Variants in SLC2A9 observed in about 807,000 individuals in gnomAD.
The protein encoded by SLC2A9 is solute carrier family 2, facilitated glucose transporter member 9.
In SLC2A9, 39 loss-of-function variants were observed where a neutral mutation model predicts 50.6. That is an observed-to-expected ratio of 0.77 (90% confidence interval 0.60 to 1.01). The LOEUF (loss-of-function observed/expected upper bound fraction) is 1.01, where lower values mean the gene tolerates loss of function less well. Ranked by LOEUF, SLC2A9 falls within the 50% of genes least tolerant of loss-of-function variation. The probability of loss-of-function intolerance (pLI) is 0.00; values close to 1 mark genes in which losing one functional copy is unlikely to be tolerated. For synonymous variants in SLC2A9, 324 were observed against 276.9 expected, an observed-to-expected ratio of 1.17 and a Z score of -1.69; for missense variants, 686 against 677.6, an observed-to-expected ratio of 1.01 and a Z score of -0.14.
intron 5 of SLC2A9, among the ~76,000 whole-genome samples, chr4:9,979,293 G>GTCTTTTACATAACTGC (rs1755309694): frequency 1.3e-5 from 2 of 152,134 alleles, no homozygotes; most frequent in Non-Finnish European, 2.9e-5. Flanking sequence ...TAACAAATGA[G>GTCTTTTACATAACTGC]TCTTTTACAT....
chr4:9,996,919 T>G lies in SLC2A9; in HGVS notation c.272A>C (p.Glu91Ala). 2 of 1,614,116 alleles carry G rather than the reference T, an allele frequency of 1.2e-6. No homozygotes were observed. The highest frequency in any genetic ancestry group is 1.7e-6 in the Non-Finnish European group (2 of 1,179,978). ...ACGTCCATGCCTTCTTTCCCATGACTCATTGTAAAAGGCCTTGATGTACTG... is the reference window on the plus strand; with the variant it reads ...ACGTCCATGCCTTCTTTCCCATGACGCATTGTAAAAGGCCTTGATGTACTG... ...PTPYIKAFYNESWERRHGRPI... is the reference protein window; with the variant it reads ...PTPYIKAFYNASWERRHGRPI... Residue 91 changes from glutamate (E) to alanine (A), a missense_variant, in exon 3 of 12, where the codon GAG becomes GCG. Physicochemically the swap from Glu to Ala is moderately radical, Grantham distance 107. Transcript: ENST00000264784.
chr4:9,870,240 C>T (rs547873365), intron 10 of SLC2A9, among the ~76,000 whole-genome samples: 1 of 152,360 alleles, frequency 6.6e-6, no homozygotes, highest in South Asian at 2.1e-4. Context: ...GTCACAGCAG[C>T]CACAGGAAAT....
At chr4:9,950,073 C>T (rs923749610) in intron 5 of SLC2A9, among the ~76,000 whole-genome samples, 1 of 152,176 alleles carries the variant, frequency 6.6e-6, no homozygotes, top group African/African-American at 2.4e-5. Context: ...CCAACCTTAC[C>T]TGTTGGGCAT....
chr4:9,949,927 G>A (rs999262550), intron 5 of SLC2A9, among the ~76,000 whole-genome samples: 1 of 152,150 alleles, frequency 6.6e-6, no homozygotes, highest in Non-Finnish European at 1.5e-5. Context: ...GGGAAATAGT[G>A]ACAGCCAGCA....
chr4:10,005,159 T>G (rs551821554), intron 2 of SLC2A9, among the ~76,000 whole-genome samples: 1 of 152,262 alleles, frequency 6.6e-6, no homozygotes, highest in East Asian at 1.9e-4. Context: ...CATACAATTA[T>G]AACATGGAAT....
At chr4:9,845,589 C>T (rs926759266) in intron 10 of SLC2A9, among the ~76,000 whole-genome samples, 3 of 150,870 alleles carry the variant, frequency 2.0e-5, no homozygotes, top group African/African-American at 7.4e-5. Context: ...GCTACCACGA[C>T]CGGCTAATTT....
intron 1 of SLC2A9, among the ~76,000 whole-genome samples, chr4:10,039,037 G>C (rs761103953): frequency 6.6e-6 from 1 of 152,250 alleles, no homozygotes; most frequent in Non-Finnish European, 1.5e-5. Context: ...TTGTGTTCCA[G>C]TAAAGCTTTA....
intron 8 of SLC2A9, among the ~76,000 whole-genome samples, chr4:9,897,188 A>T (rs1007758451): frequency 9.9e-5 from 15 of 152,220 alleles, no homozygotes; most frequent in Middle Eastern, 3.4e-3. Context: ...TCCTCTCCCC[A>T]GTGTTTCTGA....
At chr4:10,003,409 T>C (rs146677240) in intron 2 of SLC2A9, among the ~76,000 whole-genome samples, 110 of 152,334 alleles carry the variant, frequency 7.2e-4, no homozygotes, top group Non-Finnish European at 3.7e-4. Flanking sequence ...GCTCACCCAC[T>C]ACCAAGCATT....
intron 5 of SLC2A9, among the ~76,000 whole-genome samples, chr4:9,944,790 G>A (rs1023383290): frequency 1.3e-5 from 2 of 152,170 alleles, no homozygotes; most frequent in African/African-American, 4.8e-5. Flanking sequence ...ATATTAGCTG[G>A]CTGCAGGGAG....
chr4:10,003,557 G>A (rs920200553), intron 2 of SLC2A9, among the ~76,000 whole-genome samples: 3 of 152,140 alleles, frequency 2.0e-5, no homozygotes, highest in South Asian at 4.1e-4. Flanking sequence ...AAAGTTCCCC[G>A]AAAGCTGTTT....
chr4:9,782,050 C>T, intron 3 of SLC2A9: 1 of 1,480,470 alleles, frequency 6.8e-7, no homozygotes, highest in Non-Finnish European at 8.9e-7. Context: ...CAGGCAGCAA[C>T]GGCACCGCGT....
chr4:9,798,947 T>C (rs969252762), downstream of SLC2A9: 3 of 152,210 alleles, frequency 2.0e-5, no homozygotes, highest in African/African-American at 7.2e-5. Context: ...GTACAATGGA[T>C]GCCATAGTAA....
intron 8 of SLC2A9, among the ~76,000 whole-genome samples, chr4:9,897,575 G>A (rs2109860275): frequency 6.6e-6 from 1 of 152,180 alleles, no homozygotes; most frequent in South Asian, 2.1e-4. Context: ...TGGTGTCCTT[G>A]AGCCAATGGA....
Position 9,938,433 on chromosome 4 carries a change from G to A in SLC2A9, c.814+3480C>T, listed in dbSNP as rs569718411. On this transcript the variant is annotated intron_variant, in intron 6 of 11. Coordinates refer to ENST00000264784, the MANE Select transcript of SLC2A9 (RefSeq NM_020041.3). ...ACTACAGGCGCCTGCCAACACGCCC[G>A]GCTAATTTTTTTTATTTTTAGTAGA... 5.3e-5 allele frequency among the ~76,000 whole-genome samples: 8 copies of A among 151,978 alleles called. No homozygotes were observed. The East Asian group carries it at 1.2e-3, about 22-fold the overall frequency.
downstream of SLC2A9, among the ~76,000 whole-genome samples, chr4:9,775,229 A>T (rs1717393582): frequency 6.6e-6 from 1 of 152,118 alleles, no homozygotes; most frequent in Non-Finnish European, 1.5e-5. Context: ...TCTCCACATG[A>T]CCCTCACTTC....
intron 3 of SLC2A9, among the ~76,000 whole-genome samples, chr4:9,802,091 C>T (rs1022326581): frequency 1.3e-5 from 2 of 152,120 alleles, no homozygotes; most frequent in Admixed American, 1.3e-4. Context: ...TCCTGCTTCT[C>T]CAATGATGGG....
chr4:9,845,101 C>A (rs1728741135), intron 10 of SLC2A9, among the ~76,000 whole-genome samples: 2 of 151,950 alleles, frequency 1.3e-5, no homozygotes, highest in South Asian at 2.1e-4. Flanking sequence ...GCAAGCTCCA[C>A]CTCCTGGGTT....
chr4:9,956,734 G>A (rs1426676343), intron 5 of SLC2A9, among the ~76,000 whole-genome samples: 2 of 148,382 alleles, frequency 1.3e-5, no homozygotes, highest in Non-Finnish European at 3.0e-5. Context: ...AAGTTTCCTG[G>A]GTGCCTTTTG....
Sources: gnomAD v4.1 joint callset for allele counts (sites outside exome capture counted in the v4.1 genomes callset) on GRCh38, gnomAD v4.1.1 for gene constraint, MANE v1.5 for transcripts, NCBI Gene and HGNC (gene_info 2026-07-23, HGNC 2026-07-21) for gene names.